AKAP13: variants seen among roughly 807,000 people sequenced by gnomAD.
The protein encoded by AKAP13 is A-kinase anchoring protein 13.
In AKAP13, 80 loss-of-function variants were observed where a neutral mutation model predicts 264.5. The observed-to-expected ratio is 0.30, with a 90% CI of 0.25 to 0.36. AKAP13 has a LOEUF of 0.36. Among genes scored for constraint, AKAP13 ranks in the 10% least tolerant of loss-of-function variants. The pLI, the probability that AKAP13 is intolerant of heterozygous loss-of-function variation, is 1.00. For synonymous variants in AKAP13, 1,380 were observed against 1,250.2 expected, an observed-to-expected ratio of 1.10 and a Z score of -2.19; for missense variants, 3,712 against 3,435.2, an observed-to-expected ratio of 1.08 and a Z score of -2.01.
rs1156584114 is a variant in AKAP13 at position 85,655,500 on chromosome 15, T to C, written c.4458T>C (p.Ser1486=). 4 of 1,614,202 alleles carry C rather than the reference T, an allele frequency of 2.5e-6. No homozygotes were observed. Among genetic ancestry groups the C allele is most frequent in the Admixed American group, 1.7e-5 (1 of 60,030 alleles). The part of the protein sequence containing the change: ...DDTASLDRHS[S]HGSDVSLSQI... ...CGGCTTCACTGGACCGACATTCTTCTCATGGCAGTGATGTGTCTCTCTCCC... is the reference window on the plus strand; with the variant it reads ...CGGCTTCACTGGACCGACATTCTTCCCATGGCAGTGATGTGTCTCTCTCCC... Residue 1486 remains serine, a synonymous_variant, in exon 11 of 37, where the codon TCT becomes TCC. Transcript: ENST00000394518.
intron 8 of AKAP13, among the ~76,000 whole-genome samples, chr15:85,631,502 T>TCTCTCACACACACACACA (rs1372440393): frequency 3.5e-5 from 5 of 140,958 alleles, no homozygotes; most frequent in African/African-American, 1.3e-4. Flanking sequence ...TCTCTCTCTC[T>TCTCTCACACACACACACA]CACACACACA....
intron 35 of AKAP13, among the ~76,000 whole-genome samples, chr15:85,741,874 G>A (rs1261462610): frequency 4.6e-5 from 7 of 152,010 alleles, no homozygotes; most frequent in Admixed American, 3.9e-4. Context: ...GCGAAACGGC[G>A]TCTCTACTAA....
intron 5 of AKAP13, among the ~76,000 whole-genome samples, chr15:85,557,104 CA>C (rs1223798955): frequency 6.6e-6 from 1 of 152,170 alleles, no homozygotes; most frequent in Non-Finnish European, 1.5e-5. Flanking sequence ...TCTAAAGAAA[CA>C]TTTTGCTTTT....
intron 9 of AKAP13, among the ~76,000 whole-genome samples, chr15:85,643,383 C>CCAATG (rs1238568118): frequency 2.6e-5 from 4 of 152,074 alleles, no homozygotes; most frequent in Admixed American, 6.6e-5. Context: ...ATGACCTATA[C>CCAATG]CAATGCAATG....
chr15:85,486,799 C>T (rs2075565952), intron 2 of AKAP13, among the ~76,000 whole-genome samples: 1 of 133,576 alleles, frequency 7.5e-6, no homozygotes. Flanking sequence ...AGTGCAGTGG[C>T]GCGATCTTGG....
chr15:85,740,212 C>T lies in AKAP13; in HGVS notation c.7558-10C>T. On this transcript the variant is annotated splice_polypyrimidine_tract_variant and intron_variant, in intron 33 of 36. Transcript: ENST00000394518. ...CTGAAACGAATGTTTCCATTTTGTT[C>T]CTTTGGCAGCAGGTTGTCCAGAGCG... The T allele has an allele frequency of 1.2e-6, 2 of 1,614,086 alleles. No homozygotes were observed. The highest frequency in any genetic ancestry group is 1.1e-5 in the South Asian group (1 of 91,072).
chr15:85,744,086 C>T (rs922699087), intron 36 of AKAP13: 1 of 477,386 alleles, frequency 2.1e-6, no homozygotes, highest in Admixed American at 3.8e-5. Context: ...AACTGGAGCT[C>T]ACCCCTCAAT....
At chr15:85,416,831 C>A (rs2072263003) in intron 1 of AKAP13, among the ~76,000 whole-genome samples, 1 of 152,040 alleles carries the variant, frequency 6.6e-6, no homozygotes, top group South Asian at 2.1e-4. Context: ...TTTTCCCTGC[C>A]CATTAAAGGT....
In AKAP13 at chr15:85,664,441, T is replaced by C. The variant is rs1261486281; in HGVS notation, c.4800-122T>C. The C allele has an allele frequency of 1.0e-5, 10 of 989,012 alleles. No individual in the cohort carries two copies. The Admixed American group carries it at 2.4e-4, about 24-fold the overall frequency. 61.3% of individuals were successfully genotyped at this position (989,012 alleles called of 1,614,324 possible). The stretch of plus-strand genomic sequence containing the variant: ...CTTTGTGCCATGCCCTTTTAGACAG[T>C]TTTGCTAGCTGACATAGAAATAATA... On this transcript the variant is annotated intron_variant, in intron 12 of 36. Coordinates refer to ENST00000394518, the MANE Select transcript of AKAP13 (RefSeq NM_007200.5).
intron 31 of AKAP13, 111 bp from the exon 32 acceptor site, chr15:85,735,449 C>T: frequency 9.0e-7 from 1 of 1,113,912 alleles, no homozygotes; most frequent in East Asian, 2.5e-5. Flanking sequence ...TTTTTGGGGG[C>T]ATCAGTAGGT....
intron 8 of AKAP13, chr15:85,624,356 C>G (rs544862014): frequency 6.6e-6 from 1 of 152,168 alleles, no homozygotes; most frequent in African/African-American, 2.4e-5. Flanking sequence ...CCCCGACTCA[C>G]GACACTTGGG....
chr15:85,684,661 C>T, intron 15 of AKAP13, 80 bp from the exon 16 acceptor site: 6 of 1,456,628 alleles, frequency 4.1e-6, no homozygotes, highest in Non-Finnish European at 1.8e-6. Flanking sequence ...CAGCAGCCTT[C>T]ATCTACCTTT....
At chr15:85,460,830 G>T (rs879715986) in intron 1 of AKAP13, among the ~76,000 whole-genome samples, 5 of 152,206 alleles carry the variant, frequency 3.3e-5, no homozygotes, top group Non-Finnish European at 7.3e-5. Flanking sequence ...TGCAATAAAG[G>T]TCAGGGAGAA....
chr15:85,442,519 T>TTATA (rs1491579158), intron 1 of AKAP13, among the ~76,000 whole-genome samples: 2 of 109,336 alleles, frequency 1.8e-5, no homozygotes, highest in Non-Finnish European at 3.8e-5. Flanking sequence ...ATAATATATA[T>TTATA]TATATTATAT....
intron 1 of AKAP13, among the ~76,000 whole-genome samples, chr15:85,464,962 A>T (rs540193789): frequency 5.3e-5 from 8 of 152,048 alleles, no homozygotes; most frequent in African/African-American, 1.9e-4. Flanking sequence ...TTTTTTTGAG[A>T]TGGAGCCTTG....
At chr15:85,411,863 G>T (rs942484301) in intron 1 of AKAP13, among the ~76,000 whole-genome samples, 2 of 152,218 alleles carry the variant, frequency 1.3e-5, no homozygotes, top group African/African-American at 4.8e-5. Flanking sequence ...TTTACTTCAA[G>T]GAAGTAGTGG....
Position 85,479,572 on chromosome 15 carries a change from C to G in AKAP13, c.-11-6138C>G, listed in dbSNP as rs191222504. Among the ~76,000 whole-genome samples, 104 of 152,284 alleles carry G rather than the reference C, an allele frequency of 6.8e-4. 3 individuals carry two copies. The South Asian group carries it at 0.021, about 31-fold the overall frequency. On this transcript the variant is annotated intron_variant, in intron 1 of 36. Coordinates refer to ENST00000394518, the MANE Select transcript of AKAP13 (RefSeq NM_007200.5). The stretch of plus-strand genomic sequence containing the variant: ...GACTGGGAGCAGATGTAGGGGTGAT[C>G]TGCCCCCTCCTATTTTTTTGTGGAT...
chr15:85,453,916 A>AGCTGT (rs779975677), intron 1 of AKAP13, among the ~76,000 whole-genome samples: 3 of 152,232 alleles, frequency 2.0e-5, no homozygotes, highest in South Asian at 2.1e-4. Flanking sequence ...TGGGTAGAGC[A>AGCTGT]GCTGTGCTGT....
intron 1 of AKAP13, among the ~76,000 whole-genome samples, chr15:85,402,681 C>T (rs2071481624): frequency 6.6e-6 from 1 of 151,762 alleles, no homozygotes; most frequent in South Asian, 2.1e-4. Context: ...TTTTTTCGAG[C>T]ACTTACTTTG....
Sources: gnomAD v4.1 joint callset for allele counts (sites outside exome capture counted in the v4.1 genomes callset) on GRCh38, gnomAD v4.1.1 for gene constraint, MANE v1.5 for transcripts, NCBI Gene and HGNC (gene_info 2026-07-23, HGNC 2026-07-21) for gene names.